Variants in ZNF532 observed in about 807,000 individuals in gnomAD.
ZNF532 encodes zinc finger protein 532.
Under a neutral mutation model 89.3 loss-of-function variants are expected in ZNF532, and 22 were observed. The ratio of observed to expected loss-of-function variants is 0.25; its 90% CI spans 0.18 to 0.35. The LOEUF (loss-of-function observed/expected upper bound fraction) is 0.35, where lower values mean the gene tolerates loss of function less well. Among genes scored for constraint, ZNF532 ranks in the 10% least tolerant of loss-of-function variants. The pLI, the probability that ZNF532 is intolerant of heterozygous loss-of-function variation, is 1.00. For synonymous variants in ZNF532, 606 were observed against 649.6 expected, an observed-to-expected ratio of 0.93 and a Z score of 1.02; for missense variants, 1,132 against 1,643.4, an observed-to-expected ratio of 0.69 and a Z score of 5.38.
intron 2 of ZNF532, among the ~76,000 whole-genome samples, chr18:58,868,834 G>C (rs1437158692): frequency 6.6e-6 from 1 of 152,178 alleles, no homozygotes; most frequent in African/African-American, 2.4e-5. Context: ...TACATTCTGA[G>C]AAATGTATCA....
chr18:58,885,154 A>G (rs929277490), intron 2 of ZNF532, among the ~76,000 whole-genome samples: 1 of 151,922 alleles, frequency 6.6e-6, no homozygotes, highest in Non-Finnish European at 1.5e-5. Flanking sequence ...ACGCCTGGCT[A>G]ATTTTTATAT....
chr18:58,984,665 A>G lies in ZNF532; in HGVS notation c.*199A>G, dbSNP rs533750254. ...AGTATTTGAGTTTAAAAGAGTTTGT[A>G]TATATTTAAATGAATAACTTTTTAT... On this transcript the variant is annotated 3_prime_UTR_variant, in exon 10 of 10. Coordinates refer to ENST00000591808, the MANE Select transcript of ZNF532 (RefSeq NM_001375912.1). 223 of 536,988 alleles carry G rather than the reference A, an allele frequency of 4.2e-4. No homozygotes were observed. The highest frequency in any genetic ancestry group is 3.8e-3 in the African/African-American group (204 of 53,276). 33.3% of individuals were successfully genotyped at this position (536,988 alleles called of 1,614,324 possible).
chr18:58,922,311 GTAATT>G (rs1205016622), intron 3 of ZNF532, among the ~76,000 whole-genome samples: 1 of 152,134 alleles, frequency 6.6e-6, no homozygotes, highest in Non-Finnish European at 1.5e-5. Context: ...GTTCCTCAGG[GTAATT>G]ACTGGTTTAA....
chr18:58,930,451 AC>A (rs1304309946), intron 3 of ZNF532, among the ~76,000 whole-genome samples: 1 of 151,986 alleles, frequency 6.6e-6, no homozygotes, highest in Non-Finnish European at 1.5e-5. Flanking sequence ...ACATAGTGAA[AC>A]CCTGTCTCTA....
chr18:58,898,978 G>A (rs946081717), intron 2 of ZNF532, among the ~76,000 whole-genome samples: 7 of 152,228 alleles, frequency 4.6e-5, no homozygotes, highest in Non-Finnish European at 1.0e-4. Context: ...GGCTTTCAGC[G>A]CTGGAGAGAA....
chr18:58,954,466 A>AT (rs1250165256), intron 7 of ZNF532: 1 of 185,502 alleles, frequency 5.4e-6, no homozygotes, highest in Non-Finnish European at 1.0e-5. Flanking sequence ...ACATTTCCTG[A>AT]TTGTCTCAAA....
At chr18:58,882,488 C>G (rs1448231678) in intron 2 of ZNF532, among the ~76,000 whole-genome samples, 5 of 152,206 alleles carry the variant, frequency 3.3e-5, no homozygotes, top group Non-Finnish European at 7.3e-5. Flanking sequence ...GTTGCCTAGG[C>G]TGGAGTGCAG....
chr18:58,978,688 G>A (rs2067340091), intron 7 of ZNF532, among the ~76,000 whole-genome samples: 1 of 152,142 alleles, frequency 6.6e-6, no homozygotes, highest in Non-Finnish European at 1.5e-5. Flanking sequence ...GTATCCCTGA[G>A]CTGAAAGTTT....
chr18:58,904,480 G>A lies in ZNF532; in HGVS notation c.-17-13791G>A, dbSNP rs186783669. Among the ~76,000 whole-genome samples the A allele has an allele frequency of 1.5e-3, 232 of 152,128 alleles. 1 individual carries two copies. The highest frequency in any genetic ancestry group is 5.4e-3 in the African/African-American group (222 of 41,482). On this transcript the variant is annotated intron_variant, in intron 2 of 9. Coordinates refer to ENST00000591808, the MANE Select transcript of ZNF532 (RefSeq NM_001375912.1). The stretch of plus-strand genomic sequence containing the variant: ...AGGGAAACGGTAGTTCCTATTTATC[G>A]GTGTTAATTTTTAGAATTGAAACCC...
intron 8 of ZNF532, chr18:58,980,603 C>T (rs948303738): frequency 5.9e-5 from 9 of 152,118 alleles, no homozygotes; most frequent in African/African-American, 2.2e-4. Context: ...ATTCTTGATA[C>T]CTGGTTTTAT....
At chr18:58,870,816 T>C (rs2056917867) in intron 2 of ZNF532, among the ~76,000 whole-genome samples, 1 of 152,038 alleles carries the variant, frequency 6.6e-6, no homozygotes, top group African/African-American at 2.4e-5. Context: ...TGGGGGTTGC[T>C]TGGAGACTGG....
At position 58,864,925 on chromosome 18, in the gene ZNF532, T is replaced by C. The variant is rs2056315568; in HGVS notation, c.-588T>C. The C allele has an allele frequency of 1.3e-5, 2 of 152,194 alleles. No homozygotes were observed. Among genetic ancestry groups the C allele is most frequent in the Non-Finnish European group, 2.9e-5 (2 of 68,118 alleles). The allele number at this position is 152,194 out of a possible 1,614,324, so 9.4% of individuals were successfully genotyped here. A position where few individuals can be genotyped will look rare whatever the true frequency, so the allele number is the denominator to read the frequency against. On this transcript the variant is annotated 5_prime_UTR_variant, in exon 1 of 10. Coordinates refer to ENST00000591808, the MANE Select transcript of ZNF532 (RefSeq NM_001375912.1). ...TCATGGCAGCCAAAAGCAGAGGAGC[T>C]TGCAGGAAGGTACCATCCCTACACA...
chr18:58,939,429 T>C lies in ZNF532; in HGVS notation c.2529-16T>C. 1.2e-6 allele frequency: 2 copies of C among 1,606,526 alleles called. No individual in the cohort carries two copies. Among genetic ancestry groups the C allele is most frequent in the African/African-American group, 1.3e-5 (1 of 74,830 alleles). On this transcript the variant is annotated splice_polypyrimidine_tract_variant and intron_variant, in intron 4 of 9. Transcript: ENST00000591808. ...ATGGTCTTGTGCTAATGACCGTGTG[T>C]TTATTTTTCTAACAGATGTGTGCAT...
Position 58,920,276 on chromosome 18 carries a change from C to G in ZNF532, c.1989C>G (p.Ser663=), listed in dbSNP as rs568223758. The G allele has an allele frequency of 9.4e-5, 151 of 1,614,000 alleles. No individual in the cohort carries two copies. In the Admixed American group the frequency reaches 2.4e-3, roughly 26 times the overall value. ...LVFYNKCSLL[S]HARGHKEKGV... Reference sequence around the variant, plus strand: ...TTTACAACAAATGCAGCCTCCTTTCCCATGCCCGTGGGCATAAGGAGAAAG... The same window carrying G: ...TTTACAACAAATGCAGCCTCCTTTCGCATGCCCGTGGGCATAAGGAGAAAG... Residue 663 remains serine, a synonymous_variant, in exon 3 of 10, where the codon TCC becomes TCG. Coordinates refer to ENST00000591808, the MANE Select transcript of ZNF532 (RefSeq NM_001375912.1).
At chr18:58,942,349 C>CCCTCCCTCCCTCCCTCCCTTCCTTCCTT (rs1555740436) in intron 5 of ZNF532, among the ~76,000 whole-genome samples, 1 of 43,170 alleles carries the variant, frequency 2.3e-5, no homozygotes, top group Non-Finnish European at 4.1e-5. Flanking sequence ...CTCCCTCCCT[C>CCCTCCCTCCCTCCCTCCCTTCCTTCCTT]CCTTCCTTCC....
chr18:58,965,229 T>C (rs907962328), intron 7 of ZNF532, among the ~76,000 whole-genome samples: 6 of 152,182 alleles, frequency 3.9e-5, no homozygotes, highest in Admixed American at 3.9e-4. Context: ...TTTTGGTAGC[T>C]TGTGGCTAAA....
intron 7 of ZNF532, chr18:58,954,276 G>C (rs2064522860): frequency 2.0e-6 from 2 of 987,094 alleles, no homozygotes; most frequent in African/African-American, 3.5e-5. Context: ...TAGAAGCTCT[G>C]TAACTCCAAG....
intron 7 of ZNF532, among the ~76,000 whole-genome samples, chr18:58,973,319 A>T (rs73439988): frequency 0.36 from 55,332 of 152,162 alleles, 13,304 homozygotes; most frequent in African/African-American, 0.65. Context: ...GCCAGGCTGG[A>T]CTTGAACTCC....
At chr18:58,957,416 T>C (rs1235005266) in intron 7 of ZNF532, among the ~76,000 whole-genome samples, 28 of 92,784 alleles carry the variant, frequency 3.0e-4, no homozygotes, top group African/African-American at 7.5e-4. Flanking sequence ...CATATATATA[T>C]ATATATATAT....
Sources: allele counts gnomAD v4.1 joint callset (sites outside exome capture counted in the v4.1 genomes callset), GRCh38; gene constraint gnomAD v4.1.1; transcripts MANE v1.5; gene names NCBI Gene and HGNC (gene_info 2026-07-23, HGNC 2026-07-21).